The following POGK variants were observed in gnomAD, a reference collection of about 807,000 sequenced individuals.
POGK encodes pogo transposable element with KRAB domain.
POGK carries 16 observed loss-of-function variants against 54.4 expected under a neutral mutation model. The ratio of observed to expected loss-of-function variants is 0.29; its 90% CI spans 0.20 to 0.45. The LOEUF (loss-of-function observed/expected upper bound fraction) is 0.45. POGK is among the 20% of genes least tolerant of loss of function. POGK has a pLI of 1.00. For synonymous variants in POGK, 271 were observed against 302.2 expected (o/e 0.90, Z 1.07); for missense variants, 515 against 795.6 (o/e 0.65, Z 4.24).
chr1:166,842,397 G>A (rs1218092506), intron 2 of POGK, among the ~76,000 whole-genome samples: 1 of 152,230 alleles, frequency 6.6e-6, no homozygotes, highest in Non-Finnish European at 1.5e-5. Context: ...CAGGCAATCA[G>A]CCATCCATCC....
At position 166,849,079 on chromosome 1, in the gene POGK, G is replaced by C. The variant is rs573690726; in HGVS notation, c.500G>C (p.Gly167Ala). ...DITELPEWSE[G>A]YPFYMAMGFP... ...ACAGAGCTGCCCGAGTGGAGTGAGG[G>C]GTACCCCTTCTACATGGCCATGGGC... Residue 167 changes from glycine to alanine, a missense_variant, in exon 5 of 6, where the codon GGG becomes GCG. Gly to Ala is a moderately conservative substitution (Grantham distance 60, BLOSUM62 0). This residue lies in a region of POGK where 461 missense variants were observed against 743.5 expected (regional missense o/e 0.62). Coordinates refer to ENST00000367876, the MANE Select transcript of POGK (RefSeq NM_017542.5). 136 of 1,614,030 alleles carry C rather than the reference G, an allele frequency of 8.4e-5. 1 individual carries two copies. In the South Asian group the frequency reaches 1.3e-3, roughly 16 times the overall value.
intron 5 of POGK, 25 bp downstream of exon 5, chr1:166,850,448 AGTGCCTT>A (rs1658014126): frequency 6.4e-7 from 1 of 1,552,180 alleles, no homozygotes. Context: ...GTAGATACTC[AGTGCCTT>A]TGCTGACATG....
rs1658139187 is a variant in POGK at position 166,853,035 on chromosome 1, A to G, written c.*465A>G. 1.3e-5 allele frequency: 2 copies of G among 152,374 alleles called. No homozygotes were observed. Among genetic ancestry groups the G allele is most frequent in the East Asian group, 1.9e-4 (1 of 5,188 alleles). The allele number at this position is 152,374 out of a possible 1,614,324, so 9.4% of individuals were successfully genotyped here. A position where few individuals can be genotyped will look rare whatever the true frequency, so the allele number is the denominator to read the frequency against. ...TATTCTGCCTTTGAAAATGCTTCCA[A>G]AAGTAGACCCTGTCCCCACACAGGT... is the stretch of plus-strand genomic sequence containing the variant. On this transcript the variant is annotated 3_prime_UTR_variant, in exon 6 of 6. Coordinates refer to ENST00000367876, the MANE Select transcript of POGK (RefSeq NM_017542.5).
chr1:166,848,198 A>G (rs1458030246), intron 4 of POGK, among the ~76,000 whole-genome samples: 2 of 152,166 alleles, frequency 1.3e-5, no homozygotes, highest in Non-Finnish European at 2.9e-5. Flanking sequence ...TTTTTCTCCC[A>G]TTGCTTTACT....
At position 166,856,022 on chromosome 1, in the gene POGK, A is replaced by G. The variant is rs1052071505; in HGVS notation, c.*3452A>G. 6.6e-6 allele frequency: 1 copy of G among 152,144 alleles called. No individual in the cohort carries two copies. Among genetic ancestry groups the G allele is most frequent in the African/African-American group, 2.4e-5 (1 of 41,414 alleles). 9.4% of individuals were successfully genotyped at this position (152,144 alleles called of 1,614,324 possible). A position where few individuals can be genotyped will look rare whatever the true frequency, so the allele number is the denominator to read the frequency against. Reference sequence around the variant, plus strand: ...ATTTTTTTTTAAGAAGTCTTAATCTATACATAAGAAATTACATACCTGGCC... The same window carrying G: ...ATTTTTTTTTAAGAAGTCTTAATCTGTACATAAGAAATTACATACCTGGCC... On this transcript the variant is annotated 3_prime_UTR_variant, in exon 6 of 6. Coordinates refer to ENST00000367876, the MANE Select transcript of POGK (RefSeq NM_017542.5).
At chr1:166,840,747 C>A (rs1657466584) in intron 1 of POGK, among the ~76,000 whole-genome samples, 1 of 152,224 alleles carries the variant, frequency 6.6e-6, no homozygotes, top group Admixed American at 6.5e-5. Context: ...TGAAGGCAGC[C>A]AGATACGTTA....
Position 166,855,063 on chromosome 1 carries a change from GTGTT to G in POGK, c.*2497_*2500del, listed in dbSNP as rs1012003492. Reference sequence around the variant, plus strand: ...TCACTTCAGGCAATGGAAAGGAAAAGTGTTTGTCCTTGGTTGATCAGAGAAGTGG... The same window carrying G: ...TCACTTCAGGCAATGGAAAGGAAAAGTGTCCTTGGTTGATCAGAGAAGTGG... On this transcript the variant is annotated 3_prime_UTR_variant, in exon 6 of 6. Transcript: ENST00000367876. The G allele has an allele frequency of 1.3e-5, 2 of 150,798 alleles. No homozygotes were observed. The highest frequency in any genetic ancestry group is 2.5e-5 in the African/African-American group (1 of 40,110). The allele number at this position is 150,798 out of a possible 1,614,324, so 9.3% of individuals were successfully genotyped here.
intron 2 of POGK, among the ~76,000 whole-genome samples, chr1:166,842,649 C>G (rs987654759): frequency 2.6e-5 from 4 of 152,134 alleles, no homozygotes; most frequent in Admixed American, 2.6e-4. Flanking sequence ...TTGCCCCCAC[C>G]CCTGGACATT....
chr1:166,848,929 G>A lies in POGK; in HGVS notation c.359-9G>A. 6.4e-7 allele frequency: 1 copy of A among 1,574,606 alleles called. No homozygotes were observed. The highest frequency in any genetic ancestry group is 8.6e-7 in the Non-Finnish European group (1 of 1,161,350). On this transcript the variant is annotated splice_polypyrimidine_tract_variant and intron_variant, in intron 4 of 5. Coordinates refer to ENST00000367876, the MANE Select transcript of POGK (RefSeq NM_017542.5). ...GCATTATTTTTGCCCCTCACTATTT[G>A]TCTCCCAGAAAATGAAGAATCTGAC...
At chr1:166,841,199 G>T in intron 2 of POGK, 111 bp downstream of exon 2, 1 of 1,415,920 alleles carries the variant, frequency 7.1e-7, no homozygotes, top group Non-Finnish European at 9.5e-7. Context: ...AGCCCAGCCC[G>T]GTGTGTTTGC....
At chr1:166,842,004 A>T (rs1375816345) in intron 2 of POGK, among the ~76,000 whole-genome samples, 1 of 140,862 alleles carries the variant, frequency 7.1e-6, no homozygotes, top group South Asian at 2.2e-4. Flanking sequence ...ACCTTAATTT[A>T]AAAAAAAAAA....
rs1002971569 is a variant in POGK, at chr1:166,841,169, C to G, written c.132+81C>G. The G allele has an allele frequency of 2.6e-6, 4 of 1,558,524 alleles. No homozygotes were observed. The African/African-American group carries it at 5.4e-5, about 21-fold the overall frequency. On this transcript the variant is annotated intron_variant, in intron 2 of 5. Coordinates refer to ENST00000367876, the MANE Select transcript of POGK (RefSeq NM_017542.5). ...GCTTGCTTTAAGTCTCCTCCTCAGA[C>G]AGACGTGGGAAGTAAAAATAGCCCA...
intron 2 of POGK, among the ~76,000 whole-genome samples, chr1:166,844,483 G>A (rs1265096888): frequency 3.3e-5 from 5 of 152,186 alleles, no homozygotes; most frequent in Non-Finnish European, 1.5e-5. Context: ...AGGAAAGCCT[G>A]AAGACGAATC....
chr1:166,841,911 C>T (rs182121993), intron 2 of POGK, among the ~76,000 whole-genome samples: 43 of 152,072 alleles, frequency 2.8e-4, no homozygotes, highest in African/African-American at 1.0e-3. Flanking sequence ...TAAGGTTACA[C>T]ATGAACACTG....
chr1:166,845,604 GA>G (rs1657815340), intron 2 of POGK, among the ~76,000 whole-genome samples: 1 of 152,126 alleles, frequency 6.6e-6, no homozygotes, highest in Non-Finnish European at 1.5e-5. Context: ...CTAAGCTAAG[GA>G]AAAACAGTAT....
chr1:166,847,388 T>G, intron 3 of POGK, 106 bp from the exon 4 acceptor site: 1 of 832,356 alleles, frequency 1.2e-6, no homozygotes, highest in Non-Finnish European at 1.9e-6. Flanking sequence ...CCCTTGTTTT[T>G]CACAAAGAAG....
intron 5 of POGK, 105 bp downstream of exon 5, chr1:166,850,528 C>T: frequency 1.5e-6 from 2 of 1,315,162 alleles, no homozygotes; most frequent in South Asian, 3.1e-5. Flanking sequence ...TTAGAGCCTA[C>T]AGTGCAGTAG....
At chr1:166,846,965 A>T (rs141399080) in intron 3 of POGK, among the ~76,000 whole-genome samples, 1 of 152,234 alleles carries the variant, frequency 6.6e-6, no homozygotes, top group Non-Finnish European at 1.5e-5. Context: ...CAACCCAGGC[A>T]TTCACATTTA....
chr1:166,854,568 A>G lies in POGK; in HGVS notation c.*1998A>G, dbSNP rs1658211000. The G allele has an allele frequency of 3.3e-5, 5 of 152,336 alleles. No homozygotes were observed. The South Asian group carries it at 6.2e-4, about 19-fold the overall frequency. 9.4% of individuals were successfully genotyped at this position (152,336 alleles called of 1,614,324 possible). A position where few individuals can be genotyped will look rare whatever the true frequency, so the allele number is the denominator to read the frequency against. ...TTATTCTCCATCCGGTTTGGTACCA[A>G]TATATTACATCTTTCAGTCAAAAAG... On this transcript the variant is annotated 3_prime_UTR_variant, in exon 6 of 6. Transcript: ENST00000367876.
Sources: gnomAD v4.1 joint callset for allele counts (sites outside exome capture counted in the v4.1 genomes callset) on GRCh38, gnomAD v4.1.1 for gene constraint, gnomAD v4.1.1 regional missense constraint, MANE v1.5 for transcripts, NCBI Gene and HGNC (gene_info 2026-07-23, HGNC 2026-07-21) for gene names.